CD55: variants seen among roughly 807,000 people sequenced by gnomAD.
CD55 encodes complement decay-accelerating factor.
Under a neutral mutation model 45.8 loss-of-function variants are expected in CD55, and 41 were observed. The observed-to-expected ratio is 0.90, with a 90% CI of 0.70 to 1.16. The LOEUF (loss-of-function observed/expected upper bound fraction) is 1.16, where lower values mean the gene tolerates loss of function less well. Among genes scored for constraint, CD55 ranks in the 50% most tolerant of loss-of-function variants. CD55 has a pLI of 0.00. For synonymous variants in CD55, 181 were observed against 181.1 expected (o/e 1.00, Z 0.01); for missense variants, 416 against 469.8 (o/e 0.89, Z 1.06).
chr1:207,326,721 C>A (rs776169275), intron 4 of CD55, 31 bp from the exon 5 acceptor site: 9 of 1,534,276 alleles, frequency 5.9e-6, no homozygotes, highest in Non-Finnish European at 2.7e-6. Context: ...GTGAATGTAA[C>A]AAACTCTTTT....
At chr1:207,326,040 A>C (rs1654666472) in intron 4 of CD55, among the ~76,000 whole-genome samples, 1 of 152,150 alleles carries the variant, frequency 6.6e-6, no homozygotes, top group African/African-American at 2.4e-5. Context: ...GTTAAATACT[A>C]AACCAATCTT....
chr1:207,356,391 A>T (rs912967270), intron 9 of CD55, among the ~76,000 whole-genome samples: 1 of 152,052 alleles, frequency 6.6e-6, no homozygotes, highest in Admixed American at 6.5e-5. Context: ...TTCTCAATAT[A>T]TTCAAAGGCG....
intron 9 of CD55, among the ~76,000 whole-genome samples, chr1:207,345,885 C>G (rs1655614057): frequency 6.6e-6 from 1 of 152,162 alleles, no homozygotes; most frequent in South Asian, 2.1e-4. Flanking sequence ...CTTTAGGATG[C>G]GGTTACTAGT....
chr1:207,356,189 A>G (rs1656068643), intron 9 of CD55, among the ~76,000 whole-genome samples: 1 of 152,134 alleles, frequency 6.6e-6, no homozygotes, highest in South Asian at 2.1e-4. Flanking sequence ...AATTCTAGTC[A>G]TTGGACTATG....
At position 207,337,401 on chromosome 1, in the gene CD55, C is replaced by A. The variant is rs548781353; in HGVS notation, c.1052C>A (p.Thr351Asn). The A allele has an allele frequency of 1.3e-6, 2 of 1,587,168 alleles. No individual in the cohort carries two copies. Among genetic ancestry groups the A allele is most frequent in the Non-Finnish European group, 1.7e-6 (2 of 1,155,562 alleles). The change falls in exon 8 of 10, where the codon ACC becomes AAC. Residue 351 changes from threonine (T) to asparagine (N), a missense_variant. Physicochemically the swap from Thr to Asn is moderately conservative, Grantham distance 65 (BLOSUM62 0). This residue lies in a region of CD55 where 182 missense variants were observed against 201.4 expected (regional missense o/e 0.90). Coordinates refer to ENST00000367064, the MANE Select transcript of CD55 (RefSeq NM_000574.5). ...ACAACCCCAAATAAAGGAAGTGGAA[C>A]CACTTCAGGTCAGTTGACACTGTTC... ...HETTPNKGSG[T>N]TSGTTRLLSG...
chr1:207,329,344 A>G (rs534924621), intron 5 of CD55, among the ~76,000 whole-genome samples: 37 of 152,356 alleles, frequency 2.4e-4, no homozygotes, highest in African/African-American at 8.9e-4. Flanking sequence ...CAAGAGTGAC[A>G]CTGATAGCAA....
intron 8 of CD55, among the ~76,000 whole-genome samples, chr1:207,338,872 C>T (rs747806991): frequency 5.9e-5 from 9 of 152,068 alleles, no homozygotes; most frequent in South Asian, 4.1e-4. Flanking sequence ...GTGTTCACCT[C>T]GCTTAGGAGA....
chr1:207,331,062 T>TAG, intron 5 of CD55, 46 bp from the exon 6 acceptor site: 1 of 1,280,196 alleles, frequency 7.8e-7, no homozygotes, highest in African/African-American at 1.5e-5. Context: ...GTAAAAATAC[T>TAG]TTACTAGTTT....
intron 1 of CD55, 70 bp from the exon 2 acceptor site, chr1:207,322,312 G>C: frequency 7.8e-7 from 1 of 1,284,012 alleles, no homozygotes; most frequent in Non-Finnish European, 1.1e-6. Context: ...AAGGGGGCTT[G>C]TGTCTTGAAA....
chr1:207,350,029 T>C (rs1000520848), intron 9 of CD55: 2 of 444,336 alleles, frequency 4.5e-6, no homozygotes, highest in African/African-American at 4.1e-5. Flanking sequence ...TGTGGTATGT[T>C]CCTTTGATGC....
chr1:207,322,700 C>T (rs1654479631), intron 2 of CD55, 133 bp downstream of exon 2: 2 of 695,524 alleles, frequency 2.9e-6, no homozygotes, highest in Admixed American at 3.3e-5. Flanking sequence ...CCTGTTGGCA[C>T]GTCACACTCC....
chr1:207,346,651 T>C (rs1439956011), intron 9 of CD55, among the ~76,000 whole-genome samples: 5 of 152,192 alleles, frequency 3.3e-5, no homozygotes, highest in Admixed American at 2.0e-4. Context: ...AGAAAATGCC[T>C]GGCTGCTCCT....
chr1:207,323,020 G>C lies in CD55; in HGVS notation c.286+453G>C, dbSNP rs1654495274. ...TTTATAGGGTACATGTGATATTCTGGCACATGCATACAGTGTGTCATGATC... is the reference window on the plus strand; with the variant it reads ...TTTATAGGGTACATGTGATATTCTGCCACATGCATACAGTGTGTCATGATC... On this transcript the variant is annotated intron_variant, in intron 2 of 9. Transcript: ENST00000367064. Among the ~76,000 whole-genome samples, 4 of 151,876 alleles carry C rather than the reference G, an allele frequency of 2.6e-5. 1 individual carries two copies.
chr1:207,328,373 CA>C (rs1475914377), intron 5 of CD55, among the ~76,000 whole-genome samples: 2 of 152,150 alleles, frequency 1.3e-5, no homozygotes, highest in Non-Finnish European at 2.9e-5. Flanking sequence ...TTGTTTTGAC[CA>C]TACCAAAAAG....
chr1:207,326,603 T>C (rs1654693757), intron 4 of CD55, 149 bp from the exon 5 acceptor site: 2 of 611,412 alleles, frequency 3.3e-6, no homozygotes, highest in African/African-American at 3.7e-5. Context: ...TTTCTTTTCC[T>C]TTAAACTACT....
intron 4 of CD55, 138 bp downstream of exon 4, chr1:207,325,859 T>A: frequency 6.5e-6 from 3 of 463,898 alleles, no homozygotes; most frequent in Non-Finnish European, 1.2e-5. Context: ...AGACCCTTCA[T>A]CATGAGCTCA....
intron 9 of CD55, chr1:207,353,969 GT>G (rs766477378): frequency 6.6e-7 from 1 of 1,521,494 alleles, no homozygotes; most frequent in South Asian, 1.2e-5. Flanking sequence ...ATAACTTTTT[GT>G]TTTCATAGCA....
In CD55 at chr1:207,336,795, A is replaced by C; in HGVS notation, c.956A>C (p.Lys319Thr). The change falls in exon 7 of 10, where the codon AAA (lysine) becomes ACA (threonine). Residue 319 changes from lysine to threonine, a missense_variant. Physicochemically the swap from Lys to Thr is moderately conservative, Grantham distance 78. This residue lies in a region of CD55 where 182 missense variants were observed against 201.4 expected (regional missense o/e 0.90). Transcript: ENST00000367064. ...VSPTSQKTTT[K>T]TTTPNAQATR... ...CCAACTTCTCAGAAAACCACCACAA[A>C]AACCACCACACCAAATGCTCAAGGT... 6.2e-7 allele frequency: 1 copy of C among 1,613,864 alleles called. No individual in the cohort carries two copies. Among genetic ancestry groups the C allele is most frequent in the South Asian group, 1.1e-5 (1 of 91,078 alleles).
At chr1:207,339,816 C>G (rs775211617) in intron 9 of CD55, among the ~76,000 whole-genome samples, 35 of 152,136 alleles carry the variant, frequency 2.3e-4, no homozygotes, top group South Asian at 1.0e-3. Context: ...CCAAACTTCC[C>G]TGATTATCTT....
Sources: allele counts gnomAD v4.1 joint callset (sites outside exome capture counted in the v4.1 genomes callset), GRCh38; gene constraint gnomAD v4.1.1; regional missense constraint gnomAD v4.1.1; transcripts MANE v1.5; gene names NCBI Gene and HGNC (gene_info 2026-07-23, HGNC 2026-07-21).